CSMD3: variants seen among roughly 807,000 people sequenced by gnomAD.
CSMD3 encodes CUB and sushi domain-containing protein 3.
A neutral mutation model predicts 435.2 loss-of-function variants in CSMD3; 177 were observed. The observed-to-expected ratio is 0.41, with a 90% CI of 0.36 to 0.46. CSMD3 has a LOEUF of 0.46. Among genes scored for constraint, CSMD3 ranks in the 20% least tolerant of loss-of-function variants. The pLI is 0.34. For missense variants in CSMD3, 4,265 were observed against 4,504.6 expected (o/e 0.95, Z 1.52); for synonymous variants, 1,656 against 1,520.5 (o/e 1.09, Z -2.07).
intron 13 of CSMD3, among the ~76,000 whole-genome samples, chr8:112,737,101 G>T (rs961688051): frequency 1.3e-5 from 2 of 152,000 alleles, no homozygotes; most frequent in East Asian, 1.9e-4. Context: ...TTGAGATAAG[G>T]TACAAATAAC....
intron 4 of CSMD3, among the ~76,000 whole-genome samples, chr8:113,106,399 T>C (rs1436156846): frequency 2.0e-5 from 3 of 152,112 alleles, no homozygotes; most frequent in Non-Finnish European, 4.4e-5. Flanking sequence ...CTTAAACACA[T>C]GGCAATAGAA....
chr8:112,503,652 A>T, intron 30 of CSMD3, 138 bp downstream of exon 30: 1 of 565,420 alleles, frequency 1.8e-6, no homozygotes, highest in Non-Finnish European at 3.0e-6. Flanking sequence ...GAACGCTTTT[A>T]TGAGATGAAC....
intron 10 of CSMD3, among the ~76,000 whole-genome samples, chr8:112,870,452 T>G (rs931094859): frequency 6.6e-6 from 1 of 151,748 alleles, no homozygotes. Context: ...GCATTTTTTT[T>G]TTTTTAGTAG....
chr8:112,806,164 T>G (rs745805752), intron 12 of CSMD3, among the ~76,000 whole-genome samples: 4 of 152,192 alleles, frequency 2.6e-5, no homozygotes, highest in Non-Finnish European at 4.4e-5. Flanking sequence ...GAAATAACTG[T>G]GTAATAATTC....
chr8:113,363,413 G>A (rs902777947), intron 1 of CSMD3, among the ~76,000 whole-genome samples: 4 of 152,098 alleles, frequency 2.6e-5, no homozygotes, highest in African/African-American at 9.7e-5. Flanking sequence ...GGTTGCAGCT[G>A]TAGCAAATTA....
At chr8:112,797,766 C>T (rs1167763743) in intron 13 of CSMD3, among the ~76,000 whole-genome samples, 2 of 151,730 alleles carry the variant, frequency 1.3e-5, no homozygotes, top group Non-Finnish European at 3.0e-5. Flanking sequence ...AACTTCTCAA[C>T]GTGAACCCTA....
chr8:112,509,463 A>C (rs1434119323), intron 28 of CSMD3, among the ~76,000 whole-genome samples: 1 of 152,110 alleles, frequency 6.6e-6, no homozygotes, highest in East Asian at 1.9e-4. Flanking sequence ...AACATTTCTT[A>C]GCTAGCTCCC....
intron 22 of CSMD3, among the ~76,000 whole-genome samples, chr8:112,589,776 G>A (rs1399138184): frequency 2.0e-5 from 3 of 152,058 alleles, no homozygotes; most frequent in Admixed American, 6.6e-5. Flanking sequence ...ATATGAAAAC[G>A]TCAACTACAT....
In CSMD3 at chr8:112,291,523, T is replaced by C; in HGVS notation, c.8961A>G (p.Leu2987=). The change falls in exon 56 of 71, where the codon TTA becomes TTG. Residue 2987 remains leucine (L), a synonymous_variant. Transcript: ENST00000297405. ...TTATCTACTTACTGATACATTCTGG[T>C]AAAGGTTTGTCCCATTGTCCATTTG... ...CQPNGQWDKP[L]PECIMIDCGH... is the part of the protein sequence containing the mutation. 1 of 1,606,286 alleles carries C rather than the reference T, an allele frequency of 6.2e-7. No individual in the cohort carries two copies. The highest frequency in any genetic ancestry group is 8.5e-7 in the Non-Finnish European group (1 of 1,173,516).
chr8:112,925,481 T>G (rs925962942), intron 9 of CSMD3, among the ~76,000 whole-genome samples: 8 of 151,306 alleles, frequency 5.3e-5, no homozygotes, highest in Non-Finnish European at 8.8e-5. Flanking sequence ...GAGAATGGAG[T>G]GAACCCGGGA....
intron 5 of CSMD3, among the ~76,000 whole-genome samples, chr8:113,072,407 C>T (rs1328753004): frequency 6.6e-6 from 1 of 151,398 alleles, no homozygotes; most frequent in African/African-American, 2.4e-5. Flanking sequence ...TTCATTTCCC[C>T]CATTGATTAT....
intron 30 of CSMD3, among the ~76,000 whole-genome samples, chr8:112,499,021 G>C (rs903155969): frequency 1.3e-5 from 2 of 152,090 alleles, no homozygotes; most frequent in Admixed American, 6.5e-5. Context: ...ACAGATAAAG[G>C]CTTTCCTCTT....
chr8:113,183,458 T>G (rs1239359203), intron 3 of CSMD3, among the ~76,000 whole-genome samples: 1 of 152,170 alleles, frequency 6.6e-6, no homozygotes, highest in South Asian at 2.1e-4. Context: ...GCCTTTTCAT[T>G]GGAGCTACCT....
intron 5 of CSMD3, among the ~76,000 whole-genome samples, chr8:113,041,913 A>G (rs980748802): frequency 6.6e-6 from 1 of 152,152 alleles, no homozygotes; most frequent in Non-Finnish European, 1.5e-5. Flanking sequence ...ATTTTTTCCT[A>G]TGCAGCTGTC....
chr8:113,429,903 AC>A (rs2094660474), intron 1 of CSMD3, among the ~76,000 whole-genome samples: 2 of 152,172 alleles, frequency 1.3e-5, no homozygotes. Flanking sequence ...ATATTTAAGG[AC>A]CTATGAATGT....
At chr8:112,479,772 A>G (rs1199708550) in intron 31 of CSMD3, among the ~76,000 whole-genome samples, 1 of 152,220 alleles carries the variant, frequency 6.6e-6, no homozygotes, top group Non-Finnish European at 1.5e-5. Context: ...GAATGTATAG[A>G]AAATCCCGGG....
intron 49 of CSMD3, among the ~76,000 whole-genome samples, chr8:112,313,580 T>C (rs1822186270): frequency 6.6e-6 from 1 of 152,132 alleles, no homozygotes. Context: ...GACATATAAG[T>C]CATAAATATC....
chr8:112,457,456 A>G (rs1222549625), intron 32 of CSMD3, among the ~76,000 whole-genome samples: 2 of 152,114 alleles, frequency 1.3e-5, no homozygotes, highest in Admixed American at 6.6e-5. Context: ...TCTGTGACCC[A>G]TATTTCCTGC....
intron 4 of CSMD3, among the ~76,000 whole-genome samples, chr8:113,144,738 T>G (rs2131746305): frequency 6.6e-6 from 1 of 151,724 alleles, no homozygotes; most frequent in Middle Eastern, 3.4e-3. Flanking sequence ...ATATATTAAT[T>G]TACTTAACAA....
Sources: gnomAD v4.1 joint callset for allele counts (sites outside exome capture counted in the v4.1 genomes callset) on GRCh38, gnomAD v4.1.1 for gene constraint, MANE v1.5 for transcripts, NCBI Gene and HGNC (gene_info 2026-07-23, HGNC 2026-07-21) for gene names.